Variants in DMD observed in about 807,000 individuals in gnomAD.
The protein encoded by DMD is dystrophin, also known as mutant dystrophin.
Under a neutral mutation model 330.1 loss-of-function variants are expected in DMD, and 63 were observed. That is an observed-to-expected ratio of 0.19 (90% CI 0.16 to 0.24). The LOEUF (loss-of-function observed/expected upper bound fraction) is 0.24, where lower values mean the gene tolerates loss of function less well. DMD is among the 10% of genes least tolerant of loss of function. The pLI, the probability that DMD is intolerant of heterozygous loss-of-function variation, is 1.00. For missense variants in DMD, 3,344 were observed against 2,684.1 expected, an observed-to-expected ratio of 1.25 and a Z score of -5.43; for synonymous variants, 1,223 against 959.8, an observed-to-expected ratio of 1.27 and a Z score of -5.07.
At chrX:31,486,502 T>C (rs1008762740) in intron 57 of DMD, among the ~76,000 whole-genome samples, 1 of 112,477 alleles carries the variant, frequency 8.9e-6, no homozygotes, top group African/African-American at 3.2e-5. Context: ...CCCATTAGCA[T>C]TGCCTTCTTC....
intron 7 of DMD, among the ~76,000 whole-genome samples, chrX:32,702,087 T>C (rs1247008494): frequency 2.7e-5 from 3 of 112,172 alleles, no homozygotes; most frequent in Non-Finnish European, 5.6e-5. Flanking sequence ...TCAAGAAATC[T>C]ATTATATTCA....
At chrX:32,641,408 GTATA>G (rs72324944) in intron 11 of DMD, 21,203 of 93,196 alleles carry the variant, frequency 0.23, 1,858 homozygotes, top group South Asian at 0.45. Context: ...TATTTTATAC[GTATA>G]TATATATATA....
At chrX:32,114,032 T>C (rs2096599833) in intron 44 of DMD, among the ~76,000 whole-genome samples, 1 of 112,417 alleles carries the variant, frequency 8.9e-6, no homozygotes, top group African/African-American at 3.2e-5. Context: ...ATTTTGTTGC[T>C]AAATTATAAC....
intron 2 of DMD, among the ~76,000 whole-genome samples, chrX:32,929,306 T>C (rs2089377166): frequency 1.8e-5 from 2 of 111,491 alleles, no homozygotes; most frequent in African/African-American, 6.5e-5. Context: ...CCTGTGTGTA[T>C]AGCTGGTGTG....
chrX:31,226,644 CT>C (rs771062761), intron 63 of DMD, among the ~76,000 whole-genome samples: 2 of 111,023 alleles, frequency 1.8e-5, no homozygotes, highest in Non-Finnish European at 3.8e-5. Flanking sequence ...TCACTGCTTA[CT>C]TTTTTAAGTG....
intron 44 of DMD, among the ~76,000 whole-genome samples, chrX:32,063,511 G>A (rs890530234): frequency 1.8e-5 from 2 of 110,553 alleles, no homozygotes; most frequent in African/African-American, 3.3e-5. Flanking sequence ...ACTGGGTCTC[G>A]ATTATTTGTT....
chrX:32,850,473 G>GAC (rs2081048938), intron 2 of DMD, among the ~76,000 whole-genome samples: 1 of 111,925 alleles, frequency 8.9e-6, no homozygotes, highest in African/African-American at 3.2e-5. Context: ...ATACTCATGA[G>GAC]ACACACTATT....
At chrX:31,239,081 T>G (rs73210591) in intron 63 of DMD, among the ~76,000 whole-genome samples, 401 of 112,173 alleles carry the variant, frequency 3.6e-3, no homozygotes, top group Non-Finnish European at 6.0e-3. Context: ...ACTCTGAGGG[T>G]TAACTAAGAT....
intron 76 of DMD, among the ~76,000 whole-genome samples, chrX:31,143,262 GT>G (rs979781363): frequency 1.8e-5 from 2 of 110,389 alleles, no homozygotes; most frequent in African/African-American, 6.6e-5. Flanking sequence ...CATGGCGGCG[GT>G]TTCCCCCATG....
chrX:32,584,509 G>A (rs1056766222), intron 13 of DMD, among the ~76,000 whole-genome samples: 8 of 111,581 alleles, frequency 7.2e-5, no homozygotes, highest in Non-Finnish European at 1.3e-4. Context: ...TAATGCTTCC[G>A]AACTGGAAAC....
At chrX:31,293,216 T>TGTGTGTGTGTGTGTGTGTAGTCTGGTTTA (rs2053885312) in intron 62 of DMD, among the ~76,000 whole-genome samples, 1 of 94,345 alleles carries the variant, frequency 1.1e-5, no homozygotes, top group African/African-American at 4.6e-5. Context: ...TGTGTGTGTG[T>TGTGTGTGTGTGTGTGTGTAGTCTGGTTTA]GTGTGTGTGT....
intron 26 of DMD, among the ~76,000 whole-genome samples, chrX:32,449,811 A>G (rs1295198633): frequency 9.0e-6 from 1 of 110,509 alleles, no homozygotes; most frequent in Non-Finnish European, 1.9e-5. Flanking sequence ...CAAACCTGAC[A>G]TTAGCTTTCA....
At chrX:31,151,082 TA>T (rs1323773341) in intron 74 of DMD, among the ~76,000 whole-genome samples, 1 of 111,871 alleles carries the variant, frequency 8.9e-6, no homozygotes, top group Admixed American at 9.5e-5. Context: ...TTCATCGAAG[TA>T]AGTACACCTT....
At chrX:32,132,993 CTTTTTTTTTT>C (rs377615262) in intron 44 of DMD, among the ~76,000 whole-genome samples, 35 of 75,977 alleles carry the variant, frequency 4.6e-4, no homozygotes, top group African/African-American at 2.1e-3. Flanking sequence ...CTTTTCTTTT[CTTTTTTTTTT>C]TTTTTTTTTT....
chrX:33,161,188 T>C (rs905888484), intron 1 of DMD, among the ~76,000 whole-genome samples: 6 of 112,035 alleles, frequency 5.4e-5, no homozygotes, highest in African/African-American at 1.9e-4. Context: ...ACAAGACTTT[T>C]GTCTTTATCA....
At chrX:31,282,383 C>T (rs960978199) in intron 62 of DMD, among the ~76,000 whole-genome samples, 24 of 110,968 alleles carry the variant, frequency 2.2e-4, no homozygotes, top group African/African-American at 7.2e-4. Flanking sequence ...CTTCTCTGTG[C>T]CTCTACCTTC....
intron 11 of DMD, among the ~76,000 whole-genome samples, chrX:32,643,763 T>G (rs1482201057): frequency 9.0e-6 from 1 of 111,584 alleles, no homozygotes; most frequent in Non-Finnish European, 1.9e-5. Flanking sequence ...AGAAGAGAAG[T>G]TTCGTGTCAA....
intron 54 of DMD, among the ~76,000 whole-genome samples, chrX:31,657,583 T>G (rs1040414671): frequency 1.8e-5 from 2 of 111,633 alleles, no homozygotes; most frequent in South Asian, 7.4e-4. Context: ...GATACTAGGA[T>G]GAGACCATGT....
chrX:31,595,400 T>C (rs1459562048), intron 55 of DMD, among the ~76,000 whole-genome samples: 1 of 110,991 alleles, frequency 9.0e-6, no homozygotes, highest in Non-Finnish European at 1.9e-5. Flanking sequence ...CTTGATTCCA[T>C]CCTAACAAGT....
Sources: allele counts gnomAD v4.1 joint callset (sites outside exome capture counted in the v4.1 genomes callset), GRCh38; gene constraint gnomAD v4.1.1; transcripts MANE v1.5; gene names NCBI Gene and HGNC (gene_info 2026-07-23, HGNC 2026-07-21).